Variants in RAPGEF1 observed in about 807,000 individuals in gnomAD.
RAPGEF1 encodes Rap guanine nucleotide exchange factor 1.
In RAPGEF1, 33 loss-of-function variants were observed where a neutral mutation model predicts 143.3. The ratio of observed to expected loss-of-function variants is 0.23; its 90% CI spans 0.17 to 0.31. The LOEUF is 0.31. Among genes scored for constraint, RAPGEF1 ranks in the 10% least tolerant of loss-of-function variants. RAPGEF1 has a pLI of 1.00. For missense variants in RAPGEF1, 1,199 were observed against 1,645.4 expected, an observed-to-expected ratio of 0.73 and a Z score of 4.69; for synonymous variants, 629 against 676.5, an observed-to-expected ratio of 0.93 and a Z score of 1.09.
intron 3 of RAPGEF1, among the ~76,000 whole-genome samples, chr9:131,648,445 C>T (rs1970256254): frequency 6.6e-6 from 1 of 151,910 alleles, no homozygotes; most frequent in South Asian, 2.1e-4. Flanking sequence ...GGGGGAAATC[C>T]CAGGAATTGA....
intron 1 of RAPGEF1, among the ~76,000 whole-genome samples, chr9:131,704,199 C>T (rs1466168081): frequency 6.6e-6 from 1 of 151,158 alleles, no homozygotes; most frequent in Non-Finnish European, 1.5e-5. Context: ...ATTGCAGCAC[C>T]CAGCCCTTGT....
At chr9:131,682,084 GC>G (rs535293192) in intron 1 of RAPGEF1, among the ~76,000 whole-genome samples, 1 of 152,184 alleles carries the variant, frequency 6.6e-6, no homozygotes, top group South Asian at 2.1e-4. Context: ...ACAGGCAATG[GC>G]AAGACTGAGA....
chr9:131,730,828 C>G (rs1189931385), intron 1 of RAPGEF1, among the ~76,000 whole-genome samples: 1 of 152,102 alleles, frequency 6.6e-6, no homozygotes, highest in Non-Finnish European at 1.5e-5. Flanking sequence ...CACGGTCACC[C>G]AGCCAGAAGC....
chr9:131,626,321 A>T lies in RAPGEF1; in HGVS notation c.1303T>A (p.Leu435Met). ...AWNLSPLPES[L>M]GESGSPFLGP... ...AGAAATGGAGACCCAGACTCCCCCA[A>T]AGACTCTGGCAACGGGCTAAGGTTC... Residue 435 changes from leucine (L) to methionine (M), a missense_variant, in exon 10 of 27, where the codon TTG becomes ATG. This residue lies in a region of RAPGEF1 where 613 missense variants were observed against 710.9 expected (regional missense o/e 0.86). Coordinates refer to ENST00000683357, the MANE Select transcript of RAPGEF1 (RefSeq NM_001377935.1). 6.2e-7 allele frequency: 1 copy of T among 1,613,990 alleles called. No homozygotes were observed. The highest frequency in any genetic ancestry group is 2.2e-5 in the East Asian group (1 of 44,886).
At chr9:131,638,374 G>A (rs1966847519) in intron 5 of RAPGEF1, among the ~76,000 whole-genome samples, 1 of 152,214 alleles carries the variant, frequency 6.6e-6, no homozygotes, top group South Asian at 2.1e-4. Flanking sequence ...AGCATGCTCA[G>A]CCAGCACGAT....
chr9:131,590,448 A>G (rs1054763463), intron 18 of RAPGEF1, among the ~76,000 whole-genome samples: 1 of 152,122 alleles, frequency 6.6e-6, no homozygotes, highest in Non-Finnish European at 1.5e-5. Context: ...GGGCTCTGCA[A>G]GGGAACTCTC....
intron 1 of RAPGEF1, among the ~76,000 whole-genome samples, chr9:131,712,143 G>A (rs572965546): frequency 6.6e-6 from 1 of 152,114 alleles, no homozygotes; most frequent in South Asian, 2.1e-4. Context: ...GGGTGCAGAG[G>A]CTCCCTGTTT....
chr9:131,643,817 C>CTGT (rs1968756499), intron 3 of RAPGEF1, among the ~76,000 whole-genome samples: 1 of 152,194 alleles, frequency 6.6e-6, no homozygotes, highest in Non-Finnish European at 1.5e-5. Context: ...CTGTAAATCA[C>CTGT]ATCAAGAAGC....
intron 5 of RAPGEF1, among the ~76,000 whole-genome samples, chr9:131,635,031 A>C (rs1026957050): frequency 2.6e-5 from 4 of 152,126 alleles, no homozygotes; most frequent in Admixed American, 2.0e-4. Context: ...CCGGTGGAAA[A>C]GCAGCCCCAG....
chr9:131,628,771 A>C lies in RAPGEF1; in HGVS notation c.894-99T>G. On this transcript the variant is annotated intron_variant, in intron 7 of 26. Transcript: ENST00000683357. This position sits in a 1 kb window ranked among gnomAD's most constrained non-coding sequence, Gnocchi z 5.7. The stretch of plus-strand genomic sequence containing the variant: ...GGATGTGGGGTTCTTTCATTACTAG[A>C]CTCTCCACACCCAATGTTCACACTT... 7.0e-7 allele frequency: 1 copy of C among 1,433,880 alleles called. No homozygotes were observed. The highest frequency in any genetic ancestry group is 1.4e-5 in the South Asian group (1 of 72,470). 88.8% of individuals were successfully genotyped at this position (1,433,880 alleles called of 1,614,324 possible).
intron 1 of RAPGEF1, among the ~76,000 whole-genome samples, chr9:131,682,349 A>G (rs983168803): frequency 1.1e-4 from 17 of 152,212 alleles, no homozygotes; most frequent in Non-Finnish European, 2.2e-4. Context: ...GCCCCGTTCT[A>G]AACCGGGGCA....
intron 5 of RAPGEF1, among the ~76,000 whole-genome samples, chr9:131,636,293 TA>T (rs1326668720): frequency 5.3e-5 from 8 of 152,250 alleles, no homozygotes; most frequent in Admixed American, 5.2e-4. Context: ...GCTTCTTGAA[TA>T]AATGAAACAA....
At position 131,662,068 on chromosome 9, in the gene RAPGEF1, A is replaced by C. The variant is rs532891870; in HGVS notation, c.62-11119T>G. 3.9e-5 allele frequency among the ~76,000 whole-genome samples: 6 copies of C among 152,288 alleles called. No homozygotes were observed. The South Asian group carries it at 1.0e-3, about 26-fold the overall frequency. On this transcript the variant is annotated intron_variant, in intron 1 of 26. Transcript: ENST00000683357. ...TCATGAGGCTCGCCTAAGAATTAAA[A>C]CCAAAACTCATTCAATGACTTTTTA...
chr9:131,636,173 C>T (rs184721822), intron 5 of RAPGEF1, among the ~76,000 whole-genome samples: 87 of 152,358 alleles, frequency 5.7e-4, no homozygotes, highest in African/African-American at 1.9e-3. Context: ...TTTGTGTTTA[C>T]GGTCCTGCCC....
At chr9:131,729,991 G>A (rs569657479) in intron 1 of RAPGEF1, among the ~76,000 whole-genome samples, 93 of 151,492 alleles carry the variant, frequency 6.1e-4, no homozygotes, top group Admixed American at 1.6e-3. Context: ...TCAGGAGATC[G>A]AGACCATCCT....
At chr9:131,733,431 C>T (rs1274552609) in intron 1 of RAPGEF1, among the ~76,000 whole-genome samples, 3 of 150,054 alleles carry the variant, frequency 2.0e-5, no homozygotes, top group Non-Finnish European at 4.4e-5. Flanking sequence ...AACAGAGGAG[C>T]GCTCCTTTTG....
At chr9:131,739,401 C>A (rs951111235) in intron 1 of RAPGEF1, among the ~76,000 whole-genome samples, 4 of 152,218 alleles carry the variant, frequency 2.6e-5, no homozygotes, top group Non-Finnish European at 5.9e-5. Flanking sequence ...AGCGCCGAGC[C>A]CAGGCCGGGC....
In RAPGEF1 at chr9:131,667,251, A is replaced by T. The variant is rs1261694465; in HGVS notation, c.62-16302T>A. ...GTGATCTGCCTGCCTCGGCCTCCCC[A>T]AAGTGCTGGGATTACAGGTGTGAGC... is the stretch of plus-strand genomic sequence containing the variant. On this transcript the variant is annotated intron_variant, in intron 1 of 26. Coordinates refer to ENST00000683357, the MANE Select transcript of RAPGEF1 (RefSeq NM_001377935.1). The surrounding 1 kb of genome is among the most constrained non-coding windows in gnomAD (Gnocchi z 4.6). Among the ~76,000 whole-genome samples, 1 of 152,142 alleles carries T rather than the reference A, an allele frequency of 6.6e-6. No individual in the cohort carries two copies. Among genetic ancestry groups the T allele is most frequent in the Non-Finnish European group, 1.5e-5 (1 of 68,022 alleles).
intron 25 of RAPGEF1, among the ~76,000 whole-genome samples, chr9:131,581,872 C>G (rs1951914086): frequency 6.6e-6 from 1 of 152,176 alleles, no homozygotes. Context: ...GTGCTCAGAG[C>G]AGGAAGCCTG....
Sources: allele counts gnomAD v4.1 joint callset (sites outside exome capture counted in the v4.1 genomes callset), GRCh38; gene constraint gnomAD v4.1.1; regional missense constraint gnomAD v4.1.1; non-coding constraint Gnocchi (gnomAD v3.1); transcripts MANE v1.5; gene names NCBI Gene and HGNC (gene_info 2026-07-23, HGNC 2026-07-21).